Variants in CHN2 observed in about 807,000 individuals in gnomAD.
CHN2 encodes the protein beta-chimaerin.
A neutral mutation model predicts 56.3 loss-of-function variants in CHN2; 35 were observed. That is an observed-to-expected ratio of 0.62 (90% CI 0.47 to 0.82). The LOEUF is 0.82. CHN2 is among the 40% of genes least tolerant of loss of function. The probability of loss-of-function intolerance (pLI) is 0.00; values close to 1 mark genes in which losing one functional copy is unlikely to be tolerated. For synonymous variants in CHN2, 210 were observed against 212.8 expected (o/e 0.99, Z 0.12); for missense variants, 491 against 580.5 (o/e 0.85, Z 1.58).
chr7:29,294,306 A>G (rs150290504), intron 1 of CHN2, among the ~76,000 whole-genome samples: 3 of 152,282 alleles, frequency 2.0e-5, no homozygotes, highest in African/African-American at 7.2e-5. Flanking sequence ...GGGTACTTGG[A>G]GAAATACTTT....
At chr7:29,505,695 A>G (rs538469969) in intron 10 of CHN2, among the ~76,000 whole-genome samples, 2 of 152,324 alleles carry the variant, frequency 1.3e-5, no homozygotes, top group East Asian at 1.9e-4. Context: ...AGCTAACCTC[A>G]GAGCTCCACT....
intron 1 of CHN2, among the ~76,000 whole-genome samples, chr7:29,341,382 G>A (rs1414947615): frequency 2.6e-5 from 4 of 152,124 alleles, no homozygotes; most frequent in Non-Finnish European, 4.4e-5. Context: ...TATATTAACC[G>A]CACCAATTGT....
intron 2 of CHN2, among the ~76,000 whole-genome samples, chr7:29,358,154 G>A (rs17157810): frequency 4.4e-5 from 6 of 136,142 alleles, no homozygotes; most frequent in East Asian, 2.9e-4. Flanking sequence ...TTTCATTGAC[G>A]TTTTTTTGGC....
At chr7:29,427,070 C>A (rs1247841683) in intron 6 of CHN2, among the ~76,000 whole-genome samples, 1 of 152,216 alleles carries the variant, frequency 6.6e-6, no homozygotes, top group African/African-American at 2.4e-5. Flanking sequence ...ATAATCCCAG[C>A]ACTTTGGGAA....
intron 1 of CHN2, among the ~76,000 whole-genome samples, chr7:29,253,432 C>T (rs1156665412): frequency 6.6e-6 from 1 of 152,088 alleles, no homozygotes; most frequent in South Asian, 2.1e-4. Flanking sequence ...AACTGGGTCA[C>T]ATGACCACTA....
intron 1 of CHN2, among the ~76,000 whole-genome samples, chr7:29,307,150 G>T (rs1794235701): frequency 6.6e-6 from 1 of 152,338 alleles, no homozygotes; most frequent in East Asian, 1.9e-4. Flanking sequence ...AAGCTCAGTT[G>T]TCTGTAAATC....
chr7:29,357,147 G>A (rs1408648956), intron 2 of CHN2, among the ~76,000 whole-genome samples: 9 of 152,170 alleles, frequency 5.9e-5, no homozygotes, highest in Admixed American at 3.9e-4. Flanking sequence ...TAACCCTTCT[G>A]TATTAGTTTT....
intron 2 of CHN2, among the ~76,000 whole-genome samples, chr7:29,365,659 CTG>C (rs1799098299): frequency 6.6e-6 from 1 of 152,080 alleles, no homozygotes; most frequent in African/African-American, 2.4e-5. Context: ...GAAGGGAACA[CTG>C]TGTATTTAGG....
At chr7:29,346,968 G>A (rs1052887856) in intron 1 of CHN2, among the ~76,000 whole-genome samples, 3 of 152,224 alleles carry the variant, frequency 2.0e-5, no homozygotes, top group Non-Finnish European at 2.9e-5. Context: ...CCATCCAAAC[G>A]TGTGGATTCG....
intron 1 of CHN2, among the ~76,000 whole-genome samples, chr7:29,277,805 C>T (rs1283075650): frequency 1.3e-5 from 2 of 152,222 alleles, no homozygotes; most frequent in Non-Finnish European, 2.9e-5. Context: ...GCATCAGCCT[C>T]TCAGCCCAAC....
intron 6 of CHN2, among the ~76,000 whole-genome samples, chr7:29,414,019 G>A (rs1319524981): frequency 2.0e-5 from 3 of 152,148 alleles, no homozygotes; most frequent in African/African-American, 7.2e-5. Flanking sequence ...AACAATCTCT[G>A]TGTGCATTTT....
intron 3 of CHN2, among the ~76,000 whole-genome samples, chr7:29,378,253 G>T (rs749442716): frequency 6.6e-6 from 1 of 152,170 alleles, no homozygotes; most frequent in African/African-American, 2.4e-5. Context: ...TCAGTATGCC[G>T]TAGCTTAAAA....
At chr7:29,218,264 C>A (rs1446397332) in intron 1 of CHN2, among the ~76,000 whole-genome samples, 1 of 151,782 alleles carries the variant, frequency 6.6e-6, no homozygotes, top group East Asian at 1.9e-4. Flanking sequence ...ACCAGACAGC[C>A]AAAGTCATGC....
rs1434943394 is a variant in CHN2, at chr7:29,231,492, C to A, written c.49+36502C>A. ...ACCTTGTGTGCTGTGCCATTTATTT[C>A]CCCTCATCTGATGCTCTGAGCTATT... On this transcript the variant is annotated intron_variant, in intron 1 of 12. Coordinates refer to ENST00000222792, the MANE Select transcript of CHN2 (RefSeq NM_004067.4). Among the ~76,000 whole-genome samples, 5 of 152,120 alleles carry A rather than the reference C, an allele frequency of 3.3e-5. No individual in the cohort carries two copies. The East Asian group carries it at 9.6e-4, about 29-fold the overall frequency.
intron 12 of CHN2, 108 bp downstream of exon 12, chr7:29,509,514 T>C: frequency 3.6e-6 from 3 of 825,874 alleles, no homozygotes; most frequent in Non-Finnish European, 6.0e-6. Flanking sequence ...AGTTTCACTG[T>C]GCCAGGAACC....
intron 2 of CHN2, among the ~76,000 whole-genome samples, chr7:29,357,531 A>G (rs1160740521): frequency 6.6e-6 from 1 of 152,254 alleles, no homozygotes; most frequent in African/African-American, 2.4e-5. Flanking sequence ...ATGTCAGAGA[A>G]TAAGTGTTAG....
At chr7:29,146,604 A>C (rs1414881959) in exon 1 of CHN2, 1 of 1,550,314 alleles carries the variant, frequency 6.5e-7, no homozygotes, top group Non-Finnish European at 8.7e-7. Context: ...CCCACAGGGC[A>C]AAAAGTGCGT....
intron 2 of CHN2, among the ~76,000 whole-genome samples, chr7:29,152,156 C>T (rs1694224068): frequency 6.6e-6 from 1 of 152,148 alleles, no homozygotes; most frequent in South Asian, 2.1e-4. Context: ...AACTAGGTCA[C>T]ATCACCAAAT....
At chr7:29,284,785 C>T (rs529503229) in intron 1 of CHN2, among the ~76,000 whole-genome samples, 4 of 152,240 alleles carry the variant, frequency 2.6e-5, no homozygotes, top group African/African-American at 4.8e-5. Flanking sequence ...GAGTGGGTGT[C>T]GTTTTAAGCT....
Sources: allele counts gnomAD v4.1 joint callset (sites outside exome capture counted in the v4.1 genomes callset), GRCh38; gene constraint gnomAD v4.1.1; transcripts MANE v1.5; gene names NCBI Gene and HGNC (gene_info 2026-07-23, HGNC 2026-07-21).